Variants in BEND6 observed in about 807,000 individuals in gnomAD.
The protein encoded by BEND6 is BEN domain-containing protein 6.
In BEND6, 24 loss-of-function variants were observed where a neutral mutation model predicts 31.8. The ratio of observed to expected loss-of-function variants is 0.75; its 90% CI spans 0.55 to 1.06. BEND6 has a LOEUF of 1.06. Ranked by LOEUF, BEND6 falls within the 50% of genes least tolerant of loss-of-function variation. The pLI, the probability that BEND6 is intolerant of heterozygous loss-of-function variation, is 0.00. For missense variants in BEND6, 294 were observed against 327.4 expected, an observed-to-expected ratio of 0.90 and a Z score of 0.79; for synonymous variants, 109 against 114.6, an observed-to-expected ratio of 0.95 and a Z score of 0.31.
chr6:56,988,713 T>G (rs1826379944), intron 2 of BEND6, among the ~76,000 whole-genome samples: 1 of 152,128 alleles, frequency 6.6e-6, no homozygotes, highest in African/African-American at 2.4e-5. Context: ...GTATTCAATT[T>G]TGTTTAATTT....
At position 57,023,246 on chromosome 6, in the gene BEND6, T is replaced by C. The variant is rs186482711; in HGVS notation, c.*10-2836T>C. ...GTTGAAGTTCCTCAGTATTATTATA[T>C]TGCAATCTGTCTCTCCCTTTAGATC... On this transcript the variant is annotated intron_variant, in intron 6 of 6. Transcript: ENST00000370746. 4.6e-5 allele frequency among the ~76,000 whole-genome samples: 7 copies of C among 152,358 alleles called. No homozygotes were observed. In the East Asian group the frequency reaches 1.3e-3, roughly 29 times the overall value.
chr6:56,989,613 G>C (rs1826416557), intron 2 of BEND6, among the ~76,000 whole-genome samples: 1 of 152,092 alleles, frequency 6.6e-6, no homozygotes, highest in Non-Finnish European at 1.5e-5. Flanking sequence ...TCTACTCTAT[G>C]CTTTTGTCAA....
At position 57,026,239 on chromosome 6, in the gene BEND6, C is replaced by G. The variant is rs1276518619; in HGVS notation, c.*167C>G. 1 of 152,208 alleles carries G rather than the reference C, an allele frequency of 6.6e-6. No individual in the cohort carries two copies. Among genetic ancestry groups the G allele is most frequent in the South Asian group, 2.1e-4 (1 of 4,826 alleles). 9.4% of individuals were successfully genotyped at this position (152,208 alleles called of 1,614,324 possible). A position where few individuals can be genotyped will look rare whatever the true frequency, so the allele number is the denominator to read the frequency against. On this transcript the variant is annotated 3_prime_UTR_variant, in exon 7 of 7. Coordinates refer to ENST00000370746, the MANE Select transcript of BEND6 (RefSeq NM_152731.3). ...TTGCTGAGCTCTCCTAAGGGACCAA[C>G]AAGCTTGCTGAAGAAGCTGCATGTA...
In BEND6 at chr6:56,957,926, C is replaced by A. The variant is rs536815179; in HGVS notation, c.-101+2466C>A. 7.2e-5 allele frequency among the ~76,000 whole-genome samples: 11 copies of A among 152,278 alleles called. 1 individual carries two copies. The South Asian group carries it at 8.3e-4, about 11-fold the overall frequency. On this transcript the variant is annotated intron_variant, in intron 1 of 6. Transcript: ENST00000370746. Reference sequence around the variant, plus strand: ...AGGAAATTAAAATATTGTGTTAACTCTATTCAAGATAAAGTCAGATTGAAG... The same window carrying A: ...AGGAAATTAAAATATTGTGTTAACTATATTCAAGATAAAGTCAGATTGAAG...
chr6:56,972,471 G>C (rs1825724499), intron 1 of BEND6, among the ~76,000 whole-genome samples: 1 of 152,002 alleles, frequency 6.6e-6, no homozygotes, highest in African/African-American at 2.4e-5. Context: ...ATTTTAGCAG[G>C]AATTAATAAA....
chr6:56,991,921 G>A (rs1412912362), intron 2 of BEND6, among the ~76,000 whole-genome samples: 1 of 152,076 alleles, frequency 6.6e-6, no homozygotes, highest in Non-Finnish European at 1.5e-5. Context: ...CTGGCACATA[G>A]AAGCACTAAC....
intron 3 of BEND6, among the ~76,000 whole-genome samples, chr6:56,993,279 AT>A (rs1468401811): frequency 2.0e-5 from 3 of 152,208 alleles, no homozygotes; most frequent in African/African-American, 7.2e-5. Flanking sequence ...ACAGCTGAAT[AT>A]TTTATAATAA....
At chr6:56,964,032 A>AATATTATAATTAATATTAATTAATTT (rs1321921245) in intron 1 of BEND6, among the ~76,000 whole-genome samples, 4 of 148,108 alleles carry the variant, frequency 2.7e-5, no homozygotes, top group Non-Finnish European at 3.0e-5. Flanking sequence ...TATTACAATT[A>AATATTATAATTAATATTAATTAATTT]ATATTATAAT....
intron 6 of BEND6, among the ~76,000 whole-genome samples, chr6:57,021,923 C>T (rs925926337): frequency 5.9e-5 from 9 of 152,086 alleles, no homozygotes; most frequent in Non-Finnish European, 1.3e-4. Flanking sequence ...TTTTGATTGT[C>T]AAAACTGGTG....
rs1431308787 is a variant in BEND6 at position 57,017,396 on chromosome 6, A to G, written c.709A>G (p.Ile237Val). The G allele has an allele frequency of 6.7e-6, 9 of 1,350,104 alleles. No individual in the cohort carries two copies. Among genetic ancestry groups the G allele is most frequent in the South Asian group, 2.4e-5 (1 of 40,974 alleles). The allele number at this position is 1,350,104 out of a possible 1,614,324, so 83.6% of individuals were successfully genotyped here. The change falls in exon 5 of 7, where the codon ATA becomes GTA. Residue 237 changes from isoleucine (I) to valine (V), a missense_variant. By Grantham distance (29) the Ile-to-Val change is conservative. Transcript: ENST00000370746. ...GAATCAGAATGAAGTCCAAGAAATC[A>G]TAGGTGATAATATGATTGCGTTATA... Reference protein sequence around the residue: ...AMNQNEVQEIIGVTKQLFPNT... With the variant: ...AMNQNEVQEIVGVTKQLFPNT...
intron 1 of BEND6, among the ~76,000 whole-genome samples, chr6:56,969,911 G>A (rs1048122827): frequency 6.6e-6 from 1 of 151,712 alleles, no homozygotes; most frequent in African/African-American, 2.4e-5. Flanking sequence ...TCATAATTTG[G>A]ATGTTGCTTA....
At chr6:56,956,481 G>C (rs953290124) in intron 1 of BEND6, among the ~76,000 whole-genome samples, 4 of 152,214 alleles carry the variant, frequency 2.6e-5, no homozygotes, top group African/African-American at 9.6e-5. Context: ...GGTTAATGCA[G>C]TCTCTTAGTG....
At position 56,975,696 on chromosome 6, in the gene BEND6, G is replaced by A. The variant is rs1825847513; in HGVS notation, c.-100-6015G>A. On this transcript the variant is annotated intron_variant, in intron 1 of 6. Coordinates refer to ENST00000370746, the MANE Select transcript of BEND6 (RefSeq NM_152731.3). ...ACACACATGAATTTAATGAATAGAA[G>A]AAGAAATCTATTGAGTTTTGGGATA... The A allele has an allele frequency of 6.7e-6, 3 of 449,450 alleles. No individual in the cohort carries two copies. In the Admixed American group the frequency reaches 7.7e-5, roughly 12 times the overall value. The allele number at this position is 449,450 out of a possible 1,614,324, so 27.8% of individuals were successfully genotyped here. A position where few individuals can be genotyped will look rare whatever the true frequency, so the allele number is the denominator to read the frequency against.
In BEND6 at chr6:56,981,688, ATGTTTT is replaced by A. The variant is rs1205645306; in HGVS notation, c.-100-9_-100-4del. The A allele has an allele frequency of 1.9e-6, 2 of 1,070,342 alleles. No individual in the cohort carries two copies. 66.3% of individuals were successfully genotyped at this position (1,070,342 alleles called of 1,614,324 possible). A position where few individuals can be genotyped will look rare whatever the true frequency, so the allele number is the denominator to read the frequency against. On this transcript the variant is annotated splice_polypyrimidine_tract_variant and intron_variant, in intron 1 of 6. Coordinates refer to ENST00000370746, the MANE Select transcript of BEND6 (RefSeq NM_152731.3). Reference sequence around the variant, plus strand: ...TACAGTTGTGAATATGTTATGTGTCATGTTTTTGTTTTTGTTTTTAAGGGAAAGCAT... The same window carrying A: ...TACAGTTGTGAATATGTTATGTGTCATGTTTTTGTTTTTAAGGGAAAGCAT...
At chr6:57,005,004 C>A (rs1378435794) in intron 3 of BEND6, among the ~76,000 whole-genome samples, 3 of 152,138 alleles carry the variant, frequency 2.0e-5, no homozygotes, top group African/African-American at 7.2e-5. Context: ...GTATATTGCA[C>A]ATTATTGCTT....
intron 1 of BEND6, chr6:56,975,920 G>T (rs1293213911): frequency 1.9e-6 from 1 of 531,864 alleles, no homozygotes; most frequent in Non-Finnish European, 3.8e-6. Flanking sequence ...TATTCCTCCA[G>T]TGGTGAGGAA....
At chr6:56,973,017 A>G (rs1278031922) in intron 1 of BEND6, among the ~76,000 whole-genome samples, 1 of 152,230 alleles carries the variant, frequency 6.6e-6, no homozygotes, top group East Asian at 1.9e-4. Context: ...AAAATAAAGA[A>G]CAATCAGAAG....
chr6:56,968,794 G>A (rs1825582163), intron 1 of BEND6, among the ~76,000 whole-genome samples: 1 of 152,078 alleles, frequency 6.6e-6, no homozygotes, highest in African/African-American at 2.4e-5. Flanking sequence ...TGAAGGAAGT[G>A]GCCAGGTGCG....
At position 57,018,466 on chromosome 6, in the gene BEND6, G is replaced by A; in HGVS notation, c.758G>A (p.Arg253Lys). 6.3e-7 allele frequency: 1 copy of A among 1,589,660 alleles called. No individual in the cohort carries two copies. Among genetic ancestry groups the A allele is most frequent in the Non-Finnish European group, 8.5e-7 (1 of 1,172,304 alleles). Residue 253 changes from arginine (R) to lysine (K), a missense_variant, in exon 6 of 7, where the codon AGG becomes AAG. Transcript: ENST00000370746. ...CCCAATACGGATGATGTTTCAATTA[G>A]GAGAATGATAGGGCAAAAGCTAAAC... ...LFPNTDDVSI[R>K]RMIGQKLNNC...
Sources: allele counts gnomAD v4.1 joint callset (sites outside exome capture counted in the v4.1 genomes callset), GRCh38; gene constraint gnomAD v4.1.1; transcripts MANE v1.5; gene names NCBI Gene and HGNC (gene_info 2026-07-23, HGNC 2026-07-21).